The following HCN4 variants were observed in gnomAD, a reference collection of about 807,000 sequenced individuals.
HCN4 encodes the protein hyperpolarization activated cyclic nucleotide gated potassium channel 4, also known as potassium/sodium hyperpolarization-activated cyclic nucleotide-gated channel 4.
Under a neutral mutation model 76.9 loss-of-function variants are expected in HCN4, and 29 were observed. That is an observed-to-expected ratio of 0.38 (90% CI 0.28 to 0.51). The LOEUF (loss-of-function observed/expected upper bound fraction) is 0.51. Among genes scored for constraint, HCN4 ranks in the 20% least tolerant of loss-of-function variants. The pLI is 0.90. For synonymous variants in HCN4, 772 were observed against 762.5 expected (o/e 1.01, Z -0.21); for missense variants, 1,416 against 1,715.2 (o/e 0.83, Z 3.08).
At chr15:73,324,453 AC>A (rs2042886789) in intron 6 of HCN4, among the ~76,000 whole-genome samples, 200 bp from the exon 7 acceptor site, 1 of 152,164 alleles carries the variant, frequency 6.6e-6, no homozygotes, top group East Asian at 1.9e-4. Context: ...TTTGGGACAT[AC>A]CCTCTGCTCT....
rs890033133 is a variant in HCN4, at chr15:73,323,722, C to T, written c.2371G>A (p.Val791Met). 6.2e-7 allele frequency: 1 copy of T among 1,602,216 alleles called. No individual in the cohort carries two copies. Among genetic ancestry groups the T allele is most frequent in the Non-Finnish European group, 8.5e-7 (1 of 1,174,536 alleles). ...GGGTGGTGGGTGAGGGCTATGGCCA[C>T]AGAAGTGGTGGCAGCGGCAGCCTGC... ...PLQAAAATTS[V>M]AIALTHHPRL... The change falls in exon 8 of 8, where the codon GTG becomes ATG. Residue 791 changes from valine (V) to methionine (M), a missense_variant. Val to Met is a conservative substitution (Grantham distance 21). Transcript: ENST00000261917.
rs762672631 is a variant in HCN4 at position 73,324,932 on chromosome 15, C to G, written c.1978+23G>C. 4 of 1,613,558 alleles carry G rather than the reference C, an allele frequency of 2.5e-6. No homozygotes were observed. In the East Asian group the frequency reaches 6.7e-5, roughly 27 times the overall value. On this transcript the variant is annotated intron_variant, in intron 6 of 7. Coordinates refer to ENST00000261917, the MANE Select transcript of HCN4 (RefSeq NM_005477.3). ...GCCCCTGGGAGCAGCTGCCCTGTCC[C>G]CCAGGGCCCAGGGCTGCCTCACCTC...
chr15:73,356,722 C>T (rs2043082897), intron 1 of HCN4, among the ~76,000 whole-genome samples: 1 of 151,990 alleles, frequency 6.6e-6, no homozygotes, highest in Non-Finnish European at 1.5e-5. Context: ...GCTGCCTTCT[C>T]TCCAGGAAAA....
intron 1 of HCN4, among the ~76,000 whole-genome samples, chr15:73,352,154 T>C (rs1437960083): frequency 6.6e-6 from 1 of 152,210 alleles, no homozygotes; most frequent in Non-Finnish European, 1.5e-5. Context: ...CGCAGTACCT[T>C]TTATACGGTA....
Position 73,325,672 on chromosome 15 carries a change from C to T in HCN4, c.1591-228G>A. On this transcript the variant is annotated intron_variant, in intron 4 of 7. Coordinates refer to ENST00000261917, the MANE Select transcript of HCN4 (RefSeq NM_005477.3). The surrounding 1 kb of genome is among the most constrained non-coding windows in gnomAD (Gnocchi z 7.4). ...ATGGAGGAGGGGCCCCCACCAGCAT[C>T]TGCTCCTCGCTGTGTTCAATACTAA... Among the ~76,000 whole-genome samples the T allele has an allele frequency of 6.6e-6, 1 of 152,208 alleles. No homozygotes were observed. Among genetic ancestry groups the T allele is most frequent in the Non-Finnish European group, 1.5e-5 (1 of 68,044 alleles).
chr15:73,350,273 C>T (rs1288291412), intron 1 of HCN4, among the ~76,000 whole-genome samples: 2 of 152,202 alleles, frequency 1.3e-5, no homozygotes, highest in Non-Finnish European at 2.9e-5. Flanking sequence ...AACTCCCATG[C>T]CCCTCCTCCT....
Position 73,367,598 on chromosome 15 carries a change from C to T in HCN4, c.673G>A (p.Gly225Arg), listed in dbSNP as rs767982466. ...ATCCTTAGGGAGAATTTGTTGACCC[C>T]GGGTTGGAGCATGGCCCCGAACTGG... ...QRQFGAMLQP[G>R]VNKFSLRMFG... The change falls in exon 1 of 8, where the codon GGG (glycine) becomes AGG (arginine). Residue 225 changes from glycine (G) to arginine (R), a missense_variant. Around this residue, in one of 6 missense-constraint regions of HCN4, gnomAD observed 355 missense variants for 347.8 expected, o/e 1.02. Transcript: ENST00000261917. This position sits in a 1 kb window ranked among gnomAD's most constrained non-coding sequence, Gnocchi z 7.5. 4 of 1,613,602 alleles carry T rather than the reference C, an allele frequency of 2.5e-6. No individual in the cohort carries two copies. In the Admixed American group the frequency reaches 5.0e-5, roughly 20 times the overall value.
chr15:73,359,086 C>G (rs1261289928), intron 1 of HCN4, among the ~76,000 whole-genome samples: 1 of 152,204 alleles, frequency 6.6e-6, no homozygotes, highest in Non-Finnish European at 1.5e-5. Flanking sequence ...ACACATCCAC[C>G]CACACAGATA....
chr15:73,322,209 CTCTGGCTTTT>C lies in HCN4; in HGVS notation c.*262_*271del, dbSNP rs1467732119. On this transcript the variant is annotated 3_prime_UTR_variant, in exon 8 of 8. Coordinates refer to ENST00000261917, the MANE Select transcript of HCN4 (RefSeq NM_005477.3). ...AGCCCCGGAGACCCCATCTGCCTTT[CTCTGGCTTTT>C]GCATTTGGGACCTGCCTGCTCCCTC... 6 of 363,880 alleles carry C rather than the reference CTCTGGCTTTT, an allele frequency of 1.6e-5. No homozygotes were observed. The highest frequency in any genetic ancestry group is 2.6e-5 in the Non-Finnish European group (5 of 189,386). 22.5% of individuals were successfully genotyped at this position (363,880 alleles called of 1,614,324 possible). A position where few individuals can be genotyped will look rare whatever the true frequency, so the allele number is the denominator to read the frequency against.
intron 1 of HCN4, among the ~76,000 whole-genome samples, chr15:73,355,546 T>C (rs908841447): frequency 6.6e-6 from 1 of 152,176 alleles, no homozygotes; most frequent in African/African-American, 2.4e-5. Flanking sequence ...CTCAGGGCTC[T>C]TCCAGGGTAC....
chr15:73,326,810 A>T (rs2042902950), intron 4 of HCN4, among the ~76,000 whole-genome samples: 1 of 148,106 alleles, frequency 6.8e-6, no homozygotes, highest in Non-Finnish European at 1.5e-5. Context: ...TTGTTAAGAC[A>T]GGGTCTCGTT....
chr15:73,329,421 G>A, intron 4 of HCN4, 152 bp downstream of exon 4: 1 of 684,292 alleles, frequency 1.5e-6, no homozygotes, highest in Non-Finnish European at 2.5e-6. Context: ...CATCTCAGAG[G>A]TGTCTCCCTC....
chr15:73,323,253 C>G lies in HCN4; in HGVS notation c.2840G>C (p.Gly947Ala), dbSNP rs1207971398. Residue 947 changes from glycine (G) to alanine (A), a missense_variant, in exon 8 of 8, where the codon GGG becomes GCG. Gly to Ala is a moderately conservative substitution (Grantham distance 60). This residue lies in a region of HCN4 where 633 missense variants were observed against 579.8 expected (regional missense o/e 1.09). Transcript: ENST00000261917. ...CGGGAGTCCCAGGCCTCCCCGGGCC[C>G]CGGGTGGCGCGGGAGATGGCTGGGC... ...QAAQPSPAPP[G>A]ARGGLGLPEH... 1.3e-6 allele frequency: 2 copies of G among 1,523,590 alleles called. No homozygotes were observed. The highest frequency in any genetic ancestry group is 2.1e-5 in the Admixed American group (1 of 48,344). 94.4% of individuals were successfully genotyped at this position (1,523,590 alleles called of 1,614,324 possible).
At chr15:73,334,845 G>A (rs2042953308) in intron 2 of HCN4, among the ~76,000 whole-genome samples, 1 of 152,156 alleles carries the variant, frequency 6.6e-6, no homozygotes, top group Non-Finnish European at 1.5e-5. Context: ...GCTAGGGACT[G>A]CACCTTTGTG....
At chr15:73,352,942 T>C (rs1295607388) in intron 1 of HCN4, among the ~76,000 whole-genome samples, 3 of 152,000 alleles carry the variant, frequency 2.0e-5, no homozygotes, top group South Asian at 2.1e-4. Flanking sequence ...GAACACACAG[T>C]TGGGCAAGGG....
Position 73,323,016 on chromosome 15 carries a change from C to T in HCN4, c.3077G>A (p.Ser1026Asn), listed in dbSNP as rs886039118. 1 of 1,475,320 alleles carries T rather than the reference C, an allele frequency of 6.8e-7. No individual in the cohort carries two copies. Among genetic ancestry groups the T allele is most frequent in the Non-Finnish European group, 9.0e-7 (1 of 1,115,542 alleles). 91.4% of individuals were successfully genotyped at this position (1,475,320 alleles called of 1,614,324 possible). The change falls in exon 8 of 8, where the codon AGC (serine) becomes AAC (asparagine). Residue 1026 changes from serine to asparagine, a missense_variant. Ser to Asn is a conservative substitution (Grantham distance 46). This residue lies in a region of HCN4 where 633 missense variants were observed against 579.8 expected (regional missense o/e 1.09). Coordinates refer to ENST00000261917, the MANE Select transcript of HCN4 (RefSeq NM_005477.3). ...PVGFTPRGGL[S>N]PPGHSPGPPR... Reference sequence around the variant, plus strand: ...GGGGCCTGGGCTGTGGCCAGGGGGGCTGAGACCTCCTCGGGGAGTAAAGCC... The same window carrying T: ...GGGGCCTGGGCTGTGGCCAGGGGGGTTGAGACCTCCTCGGGGAGTAAAGCC...
rs774330689 is a variant in HCN4, at chr15:73,323,844, C to T, written c.2249G>A (p.Arg750Gln). 25 of 1,605,128 alleles carry T rather than the reference C, an allele frequency of 1.6e-5. No individual in the cohort carries two copies. Among genetic ancestry groups the T allele is most frequent in the Non-Finnish European group, 1.9e-5 (23 of 1,179,936 alleles). ...GCGGTGCGCGCAGTGGGCCATCTCC[C>T]GGTCATGCTGCACAATCTGCTGGAT... ...EIIQQIVQHD[R>Q]EMAHCAHRVQ... Residue 750 changes from arginine to glutamine, a missense_variant, in exon 8 of 8, where the codon CGG becomes CAG. Physicochemically the swap from Arg to Gln is conservative, Grantham distance 43. Around this residue, in one of 6 missense-constraint regions of HCN4, gnomAD observed 241 missense variants for 379.4 expected, o/e 0.64. Transcript: ENST00000261917.
At chr15:73,353,497 T>C (rs2043064169) in intron 1 of HCN4, among the ~76,000 whole-genome samples, 1 of 152,188 alleles carries the variant, frequency 6.6e-6, no homozygotes, top group Non-Finnish European at 1.5e-5. Flanking sequence ...ATCACACGCA[T>C]GTCAGTCCAT....
At chr15:73,354,836 G>C (rs900502280) in intron 1 of HCN4, among the ~76,000 whole-genome samples, 6 of 152,134 alleles carry the variant, frequency 3.9e-5, no homozygotes, top group Admixed American at 2.0e-4. Flanking sequence ...CCTGGCCTGA[G>C]AGCTAGGAGG....
Sources: allele counts gnomAD v4.1 joint callset (sites outside exome capture counted in the v4.1 genomes callset), GRCh38; gene constraint gnomAD v4.1.1; regional missense constraint gnomAD v4.1.1; non-coding constraint Gnocchi (gnomAD v3.1); transcripts MANE v1.5; gene names NCBI Gene and HGNC (gene_info 2026-07-23, HGNC 2026-07-21).